DNAJB14: variants seen among roughly 807,000 people sequenced by gnomAD.
DNAJB14 encodes dnaJ homolog subfamily B member 14.
DNAJB14 carries 22 observed loss-of-function variants against 48.4 expected under a neutral mutation model. The ratio of observed to expected loss-of-function variants is 0.45; its 90% CI spans 0.32 to 0.65. The LOEUF (loss-of-function observed/expected upper bound fraction) is 0.65. Ranked by LOEUF, DNAJB14 falls within the 30% of genes least tolerant of loss-of-function variation. The pLI, the probability that DNAJB14 is intolerant of heterozygous loss-of-function variation, is 0.03. For missense variants in DNAJB14, 319 were observed against 458.8 expected, an observed-to-expected ratio of 0.70 and a Z score of 2.78; for synonymous variants, 142 against 158.7, an observed-to-expected ratio of 0.89 and a Z score of 0.79.
At chr4:99,913,212 GCACTTTGTTGAAT>G (rs1446971337) in intron 3 of DNAJB14, among the ~76,000 whole-genome samples, 1 of 152,036 alleles carries the variant, frequency 6.6e-6, no homozygotes, top group Non-Finnish European at 1.5e-5. Flanking sequence ...ACTACTTCCT[GCACTTTGTTGAAT>G]ATGAGTGGTA....
intron 1 of DNAJB14, among the ~76,000 whole-genome samples, chr4:99,939,223 A>G (rs556192549): frequency 2.0e-5 from 3 of 152,170 alleles, no homozygotes; most frequent in Admixed American, 2.0e-4. Flanking sequence ...TTACCTGGAC[A>G]TGGTGGTGCA....
chr4:99,941,363 C>T (rs1185636643), intron 1 of DNAJB14, among the ~76,000 whole-genome samples: 1 of 152,102 alleles, frequency 6.6e-6, no homozygotes, highest in Non-Finnish European at 1.5e-5. Flanking sequence ...ATCTTATGCT[C>T]AAATAATTAC....
At chr4:99,924,958 A>G in intron 2 of DNAJB14, 1 of 633,566 alleles carries the variant, frequency 1.6e-6, no homozygotes, top group Middle Eastern at 4.3e-4. Context: ...AAGTGTGAAT[A>G]CCTGTATGTT....
At chr4:99,922,897 T>G in intron 3 of DNAJB14, 143 bp downstream of exon 3, 1 of 931,856 alleles carries the variant, frequency 1.1e-6, no homozygotes, top group East Asian at 2.8e-5. Flanking sequence ...CAGTTAATAC[T>G]GAAGTTTTAA....
chr4:99,938,927 T>G (rs1466028069), intron 1 of DNAJB14, among the ~76,000 whole-genome samples: 1 of 152,116 alleles, frequency 6.6e-6, no homozygotes, highest in Non-Finnish European at 1.5e-5. Flanking sequence ...GATTTTCCTA[T>G]ATAAACGATA....
At position 99,900,819 on chromosome 4, in the gene DNAJB14, T is replaced by A. The variant is rs535317313; in HGVS notation, c.*209A>T. Reference sequence around the variant, plus strand: ...ATGTAAGCTTTTAAAATGAAAATACTTGTAGAAGCGTTAACTAAAATATTC... The same window carrying A: ...ATGTAAGCTTTTAAAATGAAAATACATGTAGAAGCGTTAACTAAAATATTC... On this transcript the variant is annotated 3_prime_UTR_variant, in exon 8 of 8. Coordinates refer to ENST00000442697, the MANE Select transcript of DNAJB14 (RefSeq NM_001031723.4). The A allele has an allele frequency of 1.0e-5, 4 of 397,478 alleles. No homozygotes were observed. Among genetic ancestry groups the A allele is most frequent in the Non-Finnish European group, 1.3e-5 (3 of 228,716 alleles). 24.6% of individuals were successfully genotyped at this position (397,478 alleles called of 1,614,324 possible). A position where few individuals can be genotyped will look rare whatever the true frequency, so the allele number is the denominator to read the frequency against.
At chr4:99,922,029 G>A (rs1331293608) in intron 3 of DNAJB14, among the ~76,000 whole-genome samples, 1 of 152,142 alleles carries the variant, frequency 6.6e-6, no homozygotes, top group Non-Finnish European at 1.5e-5. Context: ...AGCTTTTCCT[G>A]TACTTTCAAC....
At chr4:99,912,642 G>A (rs1256508420) in intron 3 of DNAJB14, among the ~76,000 whole-genome samples, 4 of 152,066 alleles carry the variant, frequency 2.6e-5, no homozygotes, top group African/African-American at 4.8e-5. Flanking sequence ...ACCACGCCTC[G>A]CTAATGTTGT....
intron 2 of DNAJB14, chr4:99,928,535 T>C (rs1186088848): frequency 1.6e-5 from 7 of 441,076 alleles, no homozygotes; most frequent in Non-Finnish European, 3.2e-5. Flanking sequence ...ATATATATAA[T>C]CAATACCAGA....
chr4:99,918,632 C>T (rs1210396835), intron 3 of DNAJB14, among the ~76,000 whole-genome samples: 1 of 152,184 alleles, frequency 6.6e-6, no homozygotes, highest in Non-Finnish European at 1.5e-5. Context: ...CCTCTGAAGA[C>T]ACTCAAGGGG....
intron 3 of DNAJB14, chr4:99,922,616 A>G (rs1726101262): frequency 6.6e-6 from 1 of 152,454 alleles, no homozygotes; most frequent in Non-Finnish European, 1.5e-5. Flanking sequence ...AGTTTAATAG[A>G]AATAAAAGAA....
intron 7 of DNAJB14, among the ~76,000 whole-genome samples, chr4:99,902,997 G>A (rs1049165905): frequency 2.6e-5 from 4 of 152,104 alleles, no homozygotes; most frequent in Admixed American, 6.6e-5. Context: ...GAAACTCATA[G>A]AGGTTACAAT....
chr4:99,926,976 T>C (rs1165183775), intron 2 of DNAJB14: 1 of 152,200 alleles, frequency 6.6e-6, no homozygotes, highest in Non-Finnish European at 1.5e-5. Flanking sequence ...TGAGAAATTA[T>C]CATTCATATA....
chr4:99,902,847 T>A, intron 7 of DNAJB14, among the ~76,000 whole-genome samples: 1 of 152,294 alleles, frequency 6.6e-6, no homozygotes, highest in South Asian at 2.1e-4. Context: ...ATGTGTAAAA[T>A]AAGTATAATC....
intron 3 of DNAJB14, among the ~76,000 whole-genome samples, chr4:99,917,634 A>C (rs984166160): frequency 1.3e-5 from 2 of 152,188 alleles, no homozygotes; most frequent in Non-Finnish European, 2.9e-5. Context: ...TTGTTTAAAG[A>C]ACTTCCTTTA....
intron 1 of DNAJB14, among the ~76,000 whole-genome samples, chr4:99,933,303 C>CTTTTT (rs759298582): frequency 2.8e-4 from 25 of 88,786 alleles, no homozygotes; most frequent in Non-Finnish European, 3.6e-4. Context: ...CATAAACAGT[C>CTTTTT]TTTTTTTTTT....
intron 3 of DNAJB14, among the ~76,000 whole-genome samples, chr4:99,915,085 T>C (rs1725802735): frequency 6.6e-6 from 1 of 152,264 alleles, no homozygotes; most frequent in African/African-American, 2.4e-5. Flanking sequence ...GGTAGAAGCA[T>C]AGATAACTGA....
rs1441826180 is a variant in DNAJB14 at position 99,900,248 on chromosome 4, C to A, written c.*780G>T. On this transcript the variant is annotated 3_prime_UTR_variant, in exon 8 of 8. Transcript: ENST00000442697. ...TTTAAAGTATTGGAATTTTAAATGA[C>A]ATAACTGCACTTTACTGTTGAAGAC... 3.3e-5 allele frequency: 5 copies of A among 152,052 alleles called. No homozygotes were observed. Among genetic ancestry groups the A allele is most frequent in the Non-Finnish European group, 7.4e-5 (5 of 67,888 alleles). The allele number at this position is 152,052 out of a possible 1,614,324, so 9.4% of individuals were successfully genotyped here. A position where few individuals can be genotyped will look rare whatever the true frequency, so the allele number is the denominator to read the frequency against.
At chr4:99,940,454 T>C (rs1726850090) in intron 1 of DNAJB14, among the ~76,000 whole-genome samples, 2 of 152,040 alleles carry the variant, frequency 1.3e-5, no homozygotes. Flanking sequence ...TAAGCTGGTG[T>C]CGTGACACAC....
Sources: allele counts gnomAD v4.1 joint callset (sites outside exome capture counted in the v4.1 genomes callset), GRCh38; gene constraint gnomAD v4.1.1; transcripts MANE v1.5; gene names NCBI Gene and HGNC (gene_info 2026-07-23, HGNC 2026-07-21).